NEGR1: variants seen among roughly 807,000 people sequenced by gnomAD.
The protein encoded by NEGR1 is IgLON family member 4.
NEGR1 carries 10 observed loss-of-function variants against 40.9 expected under a neutral mutation model. The observed-to-expected ratio is 0.24, with a 90% CI of 0.15 to 0.42. NEGR1 has a LOEUF of 0.42. Ranked by LOEUF, NEGR1 falls within the 10% of genes least tolerant of loss-of-function variation. NEGR1 has a pLI of 1.00. For synonymous variants in NEGR1, 185 were observed against 166.8 expected (o/e 1.11, Z -0.84); for missense variants, 352 against 438.9 (o/e 0.80, Z 1.77).
chr1:71,760,835 T>G (rs1308761489), intron 3 of NEGR1, among the ~76,000 whole-genome samples: 2 of 152,162 alleles, frequency 1.3e-5, no homozygotes, highest in Non-Finnish European at 2.9e-5. Context: ...TTGGTGTTGG[T>G]CCAGCTCTCA....
chr1:71,463,983 G>A (rs1203797286), intron 6 of NEGR1, among the ~76,000 whole-genome samples: 1 of 152,148 alleles, frequency 6.6e-6, no homozygotes, highest in East Asian at 1.9e-4. Flanking sequence ...CTCAGAACTG[G>A]GGCATTTCTT....
At chr1:71,841,764 T>C (rs1659247491) in intron 2 of NEGR1, among the ~76,000 whole-genome samples, 1 of 152,162 alleles carries the variant, frequency 6.6e-6, no homozygotes, top group African/African-American at 2.4e-5. Flanking sequence ...TTGCTTTTAG[T>C]CTCTTTAAAA....
chr1:72,173,508 T>C (rs2100398852), intron 1 of NEGR1, among the ~76,000 whole-genome samples: 1 of 151,946 alleles, frequency 6.6e-6, no homozygotes, highest in South Asian at 2.1e-4. Context: ...AGAAAAAGTC[T>C]ACAGTAATGA....
chr1:71,474,281 ATGTGTGTG>A (rs112956217), intron 6 of NEGR1, among the ~76,000 whole-genome samples: 12 of 143,644 alleles, frequency 8.4e-5, no homozygotes, highest in African/African-American at 1.5e-4. Context: ...AAACAGGAAA[ATGTGTGTG>A]TGTGTGTGTG....
intron 1 of NEGR1, among the ~76,000 whole-genome samples, chr1:71,995,030 C>T (rs1308532363): frequency 6.9e-6 from 1 of 145,424 alleles, no homozygotes; most frequent in African/African-American, 2.5e-5. Context: ...CTTCTACTGA[C>T]GGAATCTCCT....
intron 4 of NEGR1, among the ~76,000 whole-genome samples, chr1:71,680,266 G>T (rs1213116408): frequency 2.0e-5 from 3 of 152,040 alleles, no homozygotes; most frequent in African/African-American, 2.4e-5. Context: ...TTTTTGGAAA[G>T]ATATTTTAAT....
rs948880677 is a variant in NEGR1, at chr1:71,473,434, A to G, written c.941-65864T>C. Reference sequence around the variant, plus strand: ...GGAAAAATCAACCAGTGAACCTGTCAACCCAGAATTCTACATATCATAAAA... The same window carrying G: ...GGAAAAATCAACCAGTGAACCTGTCGACCCAGAATTCTACATATCATAAAA... On this transcript the variant is annotated intron_variant, in intron 6 of 6. Coordinates refer to ENST00000357731, the MANE Select transcript of NEGR1 (RefSeq NM_173808.3). Among the ~76,000 whole-genome samples, 5 of 152,234 alleles carry G rather than the reference A, an allele frequency of 3.3e-5. No homozygotes were observed. In the East Asian group the frequency reaches 9.7e-4, roughly 30 times the overall value.
intron 6 of NEGR1, among the ~76,000 whole-genome samples, chr1:71,427,457 A>G (rs1646435857): frequency 6.6e-6 from 1 of 152,222 alleles, no homozygotes; most frequent in Non-Finnish European, 1.5e-5. Context: ...CTTAATATAT[A>G]TCTTTTCACA....
chr1:71,949,756 A>C lies in NEGR1; in HGVS notation c.177-14445T>G, dbSNP rs1044207231. 3.3e-5 allele frequency among the ~76,000 whole-genome samples: 5 copies of C among 152,108 alleles called. No homozygotes were observed. In the South Asian group the frequency reaches 1.0e-3, roughly 31 times the overall value. ...TGAATATATAATTTGGAACAAATGG[A>C]ACTGCCCACTGTCTAGAGAGTCTCC... is the stretch of plus-strand genomic sequence containing the variant. On this transcript the variant is annotated intron_variant, in intron 1 of 6. Transcript: ENST00000357731.
chr1:71,980,801 T>C (rs1182443078), intron 1 of NEGR1, among the ~76,000 whole-genome samples: 4 of 152,138 alleles, frequency 2.6e-5, no homozygotes. Context: ...GTTCTACTAA[T>C]ACCAAACCAT....
At chr1:72,110,857 T>C (rs1310977351) in intron 1 of NEGR1, among the ~76,000 whole-genome samples, 1 of 151,600 alleles carries the variant, frequency 6.6e-6, no homozygotes, top group Non-Finnish European at 1.5e-5. Context: ...CGACAATTTA[T>C]TATTTACAAA....
intron 1 of NEGR1, among the ~76,000 whole-genome samples, chr1:72,169,975 T>C (rs1651901655): frequency 6.6e-6 from 1 of 152,152 alleles, no homozygotes; most frequent in Non-Finnish European, 1.5e-5. Context: ...TTTTGGGAGT[T>C]TACAGTAAAT....
chr1:71,796,016 C>A (rs1208951336), intron 2 of NEGR1, among the ~76,000 whole-genome samples: 1 of 152,106 alleles, frequency 6.6e-6, no homozygotes, highest in Non-Finnish European at 1.5e-5. Context: ...GATTAGTCAA[C>A]CTTATGGTCA....
At chr1:71,519,764 G>T (rs1231828746) in intron 6 of NEGR1, among the ~76,000 whole-genome samples, 1 of 145,948 alleles carries the variant, frequency 6.9e-6, no homozygotes, top group East Asian at 2.0e-4. Flanking sequence ...AACAAAAAAA[G>T]ATCACACAGC....
intron 3 of NEGR1, among the ~76,000 whole-genome samples, chr1:71,708,940 C>A (rs982040928): frequency 4.6e-5 from 7 of 152,188 alleles, no homozygotes; most frequent in Non-Finnish European, 1.0e-4. Context: ...TCTATGGCTG[C>A]ATAGTATTCC....
intron 1 of NEGR1, among the ~76,000 whole-genome samples, chr1:72,119,459 T>C (rs576929824): frequency 6.6e-6 from 1 of 152,018 alleles, no homozygotes; most frequent in Non-Finnish European, 1.5e-5. Flanking sequence ...AATGCCTTAG[T>C]ATTAAAAAAA....
At chr1:71,579,251 T>C (rs908220685) in intron 6 of NEGR1, among the ~76,000 whole-genome samples, 4 of 152,200 alleles carry the variant, frequency 2.6e-5, no homozygotes, top group African/African-American at 9.6e-5. Context: ...TATTCACTTA[T>C]ATTAGTCATT....
At chr1:71,459,424 C>T (rs1440492869) in intron 6 of NEGR1, among the ~76,000 whole-genome samples, 1 of 152,196 alleles carries the variant, frequency 6.6e-6, no homozygotes, top group East Asian at 1.9e-4. Flanking sequence ...AAGTATGTCA[C>T]TTCCACACTT....
At chr1:71,666,667 G>A (rs908387050) in intron 4 of NEGR1, among the ~76,000 whole-genome samples, 1 of 152,136 alleles carries the variant, frequency 6.6e-6, no homozygotes, top group Non-Finnish European at 1.5e-5. Context: ...AGTAGTAAAA[G>A]TTCACTCTCC....
Sources: gnomAD v4.1 joint callset for allele counts (sites outside exome capture counted in the v4.1 genomes callset) on GRCh38, gnomAD v4.1.1 for gene constraint, MANE v1.5 for transcripts, NCBI Gene and HGNC (gene_info 2026-07-23, HGNC 2026-07-21) for gene names.